The following MLLT10 variants were observed in gnomAD, a reference collection of about 807,000 sequenced individuals.
MLLT10 encodes the protein protein AF-10.
MLLT10 carries 30 observed loss-of-function variants against 129.1 expected under a neutral mutation model. The observed-to-expected ratio is 0.23, with a 90% CI of 0.17 to 0.32. The LOEUF (loss-of-function observed/expected upper bound fraction) is 0.32, where lower values mean the gene tolerates loss of function less well. Among genes scored for constraint, MLLT10 ranks in the 10% least tolerant of loss-of-function variants. MLLT10 has a pLI of 1.00. For missense variants in MLLT10, 1,119 were observed against 1,268.3 expected, an observed-to-expected ratio of 0.88 and a Z score of 1.79; for synonymous variants, 490 against 446.4, an observed-to-expected ratio of 1.10 and a Z score of -1.23.
intron 22 of MLLT10, 130 bp from the exon 23 acceptor site, chr10:21,741,791 ATATTACGTTGCAAGTAGC>A (rs1833682317): frequency 4.4e-6 from 3 of 688,018 alleles, no homozygotes; most frequent in African/African-American, 3.6e-5. Context: ...TCATGTCTAT[ATATTACGTTGCAAGTAGC>A]CTTGCCAACT....
intron 10 of MLLT10, among the ~76,000 whole-genome samples, chr10:21,672,087 A>G (rs1177810241): frequency 2.6e-5 from 4 of 152,106 alleles, no homozygotes; most frequent in African/African-American, 4.8e-5. Context: ...GTCTCAGTAA[A>G]TAAGTTGTTG....
chr10:21,676,380 T>C (rs1005481407), intron 11 of MLLT10, among the ~76,000 whole-genome samples: 24 of 150,060 alleles, frequency 1.6e-4, no homozygotes, highest in African/African-American at 5.7e-4. Context: ...ATCACACCAC[T>C]GCACTCCAGC....
chr10:21,719,607 A>G (rs141520858), intron 14 of MLLT10, among the ~76,000 whole-genome samples: 4 of 152,302 alleles, frequency 2.6e-5, no homozygotes, highest in African/African-American at 7.2e-5. Context: ...AGAAGAGAGA[A>G]ATTTGAGTCA....
intron 8 of MLLT10, among the ~76,000 whole-genome samples, chr10:21,618,217 A>C (rs1187929907): frequency 6.6e-6 from 1 of 152,148 alleles, no homozygotes; most frequent in Non-Finnish European, 1.5e-5. Flanking sequence ...AATTGTTTAA[A>C]AACATTTTGG....
chr10:21,594,412 G>T (rs1237185079), intron 4 of MLLT10, among the ~76,000 whole-genome samples: 1 of 151,878 alleles, frequency 6.6e-6, no homozygotes, highest in Non-Finnish European at 1.5e-5. Context: ...AGCCGGGTGT[G>T]GTGGTGCATG....
intron 14 of MLLT10, among the ~76,000 whole-genome samples, chr10:21,719,924 G>T (rs2057009531): frequency 6.6e-6 from 1 of 152,118 alleles, no homozygotes; most frequent in Non-Finnish European, 1.5e-5. Flanking sequence ...TGCTAACATA[G>T]ATAAATGAAT....
intron 4 of MLLT10, among the ~76,000 whole-genome samples, chr10:21,590,754 AT>A (rs1258666647): frequency 6.6e-6 from 1 of 151,700 alleles, no homozygotes; most frequent in Admixed American, 6.6e-5. Flanking sequence ...TTTTATTTTT[AT>A]TTTTTTGACC....
At chr10:21,676,457 AC>A (rs997931149) in intron 11 of MLLT10, among the ~76,000 whole-genome samples, 3 of 149,590 alleles carry the variant, frequency 2.0e-5, no homozygotes, top group African/African-American at 7.4e-5. Flanking sequence ...ATGGTGACTT[AC>A]GCCTGTAATC....
intron 4 of MLLT10, among the ~76,000 whole-genome samples, chr10:21,593,925 T>TAAAA (rs1564472638): frequency 8.3e-5 from 6 of 71,982 alleles, no homozygotes; most frequent in African/African-American, 8.1e-4. Flanking sequence ...GGCTTTGTCT[T>TAAAA]TAAAAAAAAA....
rs1204472481 is a variant in MLLT10, at chr10:21,534,316, C to CCG, written c.-204_-203insGC. ...CCTGGCCCAGCGGGAGCCCCCCCTC[C>CCG]CCCCAGTGCGCCTGTGCGGAGGCCC... On this transcript the variant is annotated 5_prime_UTR_variant, in exon 1 of 23. Coordinates refer to ENST00000307729, the MANE Select transcript of MLLT10 (RefSeq NM_001195626.3). 4 of 394,514 alleles carry CCG rather than the reference C, an allele frequency of 1.0e-5. No homozygotes were observed. The highest frequency in any genetic ancestry group is 1.8e-5 in the Non-Finnish European group (4 of 222,276). The allele number at this position is 394,514 out of a possible 1,614,324, so 24.4% of individuals were successfully genotyped here.
chr10:21,670,359 A>C (rs780335094), intron 9 of MLLT10, 90 bp from the exon 10 acceptor site: 21 of 1,251,706 alleles, frequency 1.7e-5, no homozygotes, highest in Non-Finnish European at 2.1e-5. Flanking sequence ...TTTATTCTGC[A>C]AGTTCTTCTT....
At chr10:21,567,097 G>A (rs1341795432) in intron 3 of MLLT10, among the ~76,000 whole-genome samples, 1 of 152,114 alleles carries the variant, frequency 6.6e-6, no homozygotes, top group Non-Finnish European at 1.5e-5. Flanking sequence ...ACAGGCGCGA[G>A]CCACCGAGCC....
At chr10:21,660,329 G>T (rs2050047436) in intron 9 of MLLT10, among the ~76,000 whole-genome samples, 2 of 144,908 alleles carry the variant, frequency 1.4e-5, no homozygotes, top group Admixed American at 6.8e-5. Flanking sequence ...CTATTTTGAA[G>T]ATTAAGGCCA....
intron 8 of MLLT10, among the ~76,000 whole-genome samples, chr10:21,635,056 C>G (rs1455439854): frequency 2.0e-5 from 3 of 152,088 alleles, no homozygotes; most frequent in Non-Finnish European, 4.4e-5. Context: ...TAGAATGGAC[C>G]CTTCAGCAGT....
intron 14 of MLLT10, among the ~76,000 whole-genome samples, chr10:21,720,986 G>A (rs1398666330): frequency 6.6e-6 from 1 of 152,108 alleles, no homozygotes; most frequent in Non-Finnish European, 1.5e-5. Flanking sequence ...GAGATAGCTT[G>A]GCTTATGATA....
At chr10:21,694,021 C>G (rs1345288479) in intron 13 of MLLT10, among the ~76,000 whole-genome samples, 1 of 152,116 alleles carries the variant, frequency 6.6e-6, no homozygotes, top group Non-Finnish European at 1.5e-5. Flanking sequence ...CTGCGTAGTT[C>G]TTTTCCCACA....
At chr10:21,635,568 G>A (rs2047377654) in intron 8 of MLLT10, among the ~76,000 whole-genome samples, 1 of 152,008 alleles carries the variant, frequency 6.6e-6, no homozygotes, top group African/African-American at 2.4e-5. Flanking sequence ...GTTTCATCAT[G>A]TTGGCCAGGC....
intron 14 of MLLT10, among the ~76,000 whole-genome samples, chr10:21,717,819 TCTCCTCCTTCTC>T (rs1164969694): frequency 9.0e-4 from 96 of 107,240 alleles, no homozygotes; most frequent in Admixed American, 2.7e-3. Context: ...TTCTCCTTCT[TCTCCTCCTTCTC>T]CTCCTCCTTC....
chr10:21,670,194 C>A (rs1289817291), intron 9 of MLLT10, among the ~76,000 whole-genome samples: 1 of 152,052 alleles, frequency 6.6e-6, no homozygotes, highest in Non-Finnish European at 1.5e-5. Context: ...CATACTTTTA[C>A]TAGTTGTTGC....
Sources: gnomAD v4.1 joint callset for allele counts (sites outside exome capture counted in the v4.1 genomes callset) on GRCh38, gnomAD v4.1.1 for gene constraint, MANE v1.5 for transcripts, NCBI Gene and HGNC (gene_info 2026-07-23, HGNC 2026-07-21) for gene names.